SLC2A14: variants seen among roughly 807,000 people sequenced by gnomAD.
The protein encoded by SLC2A14 is solute carrier family 2 member 14, also known as solute carrier family 2, facilitated glucose transporter member 14.
Under a neutral mutation model 43.0 loss-of-function variants are expected in SLC2A14, and 13 were observed. The ratio of observed to expected loss-of-function variants is 0.30; its 90% CI spans 0.20 to 0.48. SLC2A14 has a LOEUF of 0.48. Among genes scored for constraint, SLC2A14 ranks in the 20% least tolerant of loss-of-function variants. The pLI, the probability that SLC2A14 is intolerant of heterozygous loss-of-function variation, is 0.99. For missense variants in SLC2A14, 428 were observed against 620.4 expected (o/e 0.69, Z 3.29); for synonymous variants, 190 against 233.8 (o/e 0.81, Z 1.71).
At chr12:7,883,928 C>CTTTCTTTCT (rs1350899536) in intron 1 of SLC2A14, among the ~76,000 whole-genome samples, 3 of 150,218 alleles carry the variant, frequency 2.0e-5, no homozygotes, top group Non-Finnish European at 4.4e-5. Flanking sequence ...TTCTTTCTTT[C>CTTTCTTTCT]TTTTTTTTTG....
At chr12:7,858,276 A>G (rs931641935) in intron 2 of SLC2A14, among the ~76,000 whole-genome samples, 13 of 152,168 alleles carry the variant, frequency 8.5e-5, no homozygotes, top group African/African-American at 3.1e-4. Flanking sequence ...CCAATGGTCA[A>G]TTCTCGAGCC....
intron 2 of SLC2A14, among the ~76,000 whole-genome samples, chr12:7,847,327 A>G (rs1187051404): frequency 2.0e-5 from 3 of 152,128 alleles, no homozygotes; most frequent in Admixed American, 6.6e-5. Flanking sequence ...CACTGTACCA[A>G]TTATGAATTT....
chr12:7,852,969 A>G (rs1867060046), intron 2 of SLC2A14, among the ~76,000 whole-genome samples: 1 of 152,316 alleles, frequency 6.6e-6, no homozygotes, highest in African/African-American at 2.4e-5. Flanking sequence ...CTCAGGAAGC[A>G]CATACTCTCT....
At chr12:7,871,360 G>A in intron 1 of SLC2A14, 1 of 659,604 alleles carries the variant, frequency 1.5e-6, no homozygotes, top group Non-Finnish European at 2.0e-6. Context: ...ATGGCGCCAA[G>A]GGCAAAGATG....
At chr12:7,835,563 T>C (rs1865381178) in intron 2 of SLC2A14, among the ~76,000 whole-genome samples, 1 of 152,246 alleles carries the variant, frequency 6.6e-6, no homozygotes, top group African/African-American at 2.4e-5. Flanking sequence ...AGAATCTAAA[T>C]CTGCAGAATG....
At chr12:7,831,821 C>A in intron 3 of SLC2A14, 57 bp from the exon 4 acceptor site, 2 of 1,599,324 alleles carry the variant, frequency 1.3e-6, no homozygotes, top group South Asian at 1.1e-5. Context: ...ACAAAAGATA[C>A]AAATATGCTG....
intron 1 of SLC2A14, chr12:7,871,325 G>A (rs1945219863): frequency 2.0e-6 from 2 of 1,004,712 alleles, no homozygotes; most frequent in East Asian, 6.4e-5. Context: ...GTTCAACTAG[G>A]TGGAGTTCAC....
rs780659358 is a variant in SLC2A14 at position 7,821,344 on chromosome 12, T to TGC, written c.865-21_865-20dup. Reference sequence around the variant, plus strand: ...AGAACACCTAGGAGAAAAGAAAACATGCAGCTTTGATAAAATTCTGCACAC... The same window carrying TGC: ...AGAACACCTAGGAGAAAAGAAAACATGCGCAGCTTTGATAAAATTCTGCACAC... On this transcript the variant is annotated intron_variant, in intron 7 of 10. Coordinates refer to ENST00000431042, the MANE Select transcript of SLC2A14 (RefSeq NM_001286234.2). 1.5e-5 allele frequency: 24 copies of TGC among 1,599,352 alleles called. No individual in the cohort carries two copies. Among genetic ancestry groups the TGC allele is most frequent in the Non-Finnish European group, 2.1e-5 (24 of 1,167,252 alleles).
At chr12:7,885,357 C>T (rs1204742848) in intron 1 of SLC2A14, among the ~76,000 whole-genome samples, 1 of 151,982 alleles carries the variant, frequency 6.6e-6, no homozygotes, top group Admixed American at 6.5e-5. Flanking sequence ...CCCAGCTACT[C>T]GGGACGCTGA....
At chr12:7,856,367 A>G (rs1221288014) in intron 2 of SLC2A14, 1 of 152,198 alleles carries the variant, frequency 6.6e-6, no homozygotes, top group Non-Finnish European at 1.5e-5. Flanking sequence ...GCTTCTCCAC[A>G]GAGCATGGCC....
At chr12:7,866,374 A>T (rs10846072) in intron 2 of SLC2A14, among the ~76,000 whole-genome samples, 31,161 of 151,638 alleles carry the variant, frequency 0.21, 3,225 homozygotes, top group East Asian at 0.32. Context: ...TTTTCTTTTT[A>T]CTTTGAGATG....
chr12:7,821,825 CTTT>C (rs71038774), intron 7 of SLC2A14, among the ~76,000 whole-genome samples: 2 of 127,246 alleles, frequency 1.6e-5, no homozygotes, highest in African/African-American at 3.0e-5. Context: ...GTATTTCTTT[CTTT>C]TTTTTTTTTT....
chr12:7,828,642 C>G, intron 6 of SLC2A14, 62 bp downstream of exon 6: 2 of 1,551,612 alleles, frequency 1.3e-6, no homozygotes, highest in Non-Finnish European at 1.8e-6. Flanking sequence ...GATCCAGTAC[C>G]CTCACCCTTA....
chr12:7,865,568 G>C (rs544647243), intron 2 of SLC2A14, among the ~76,000 whole-genome samples: 1 of 151,748 alleles, frequency 6.6e-6, no homozygotes, highest in African/African-American at 2.4e-5. Context: ...AATAAAAAAA[G>C]ACAATAAATC....
intron 7 of SLC2A14, among the ~76,000 whole-genome samples, chr12:7,826,648 T>C (rs759665430): frequency 4.6e-5 from 7 of 152,150 alleles, no homozygotes; most frequent in African/African-American, 1.7e-4. Context: ...CCACACTCAA[T>C]AGCAGGAAGC....
chr12:7,818,196 T>A (rs1401412934), intron 9 of SLC2A14, among the ~76,000 whole-genome samples, 162 bp from the exon 10 acceptor site: 2 of 135,838 alleles, frequency 1.5e-5, no homozygotes, highest in Admixed American at 7.4e-5. Flanking sequence ...TTTATATTTA[T>A]TTTTTGAGAC....
upstream of SLC2A14, among the ~76,000 whole-genome samples, chr12:7,874,790 T>TACAA: frequency 2.5e-5 from 1 of 39,530 alleles, no homozygotes; most frequent in Non-Finnish European, 4.7e-5. Flanking sequence ...AATATATAAA[T>TACAA]ATATAAATAA....
intron 7 of SLC2A14, among the ~76,000 whole-genome samples, chr12:7,823,052 T>G (rs1864056552): frequency 6.6e-6 from 1 of 152,150 alleles, no homozygotes; most frequent in African/African-American, 2.4e-5. Context: ...ATTAAATAAA[T>G]TACTATGTTT....
intron 1 of SLC2A14, among the ~76,000 whole-genome samples, chr12:7,886,612 A>G (rs1206396884): frequency 6.6e-6 from 1 of 152,064 alleles, no homozygotes; most frequent in East Asian, 1.9e-4. Flanking sequence ...TAAACTAAGT[A>G]GTTTCAGTAG....
Sources: gnomAD v4.1 joint callset for allele counts (sites outside exome capture counted in the v4.1 genomes callset) on GRCh38, gnomAD v4.1.1 for gene constraint, MANE v1.5 for transcripts, NCBI Gene and HGNC (gene_info 2026-07-23, HGNC 2026-07-21) for gene names.